The following ZNF385D variants were observed in gnomAD, a reference collection of about 807,000 sequenced individuals.
ZNF385D encodes zinc finger protein 385D.
In ZNF385D, 15 loss-of-function variants were observed where a neutral mutation model predicts 35.8. That is an observed-to-expected ratio of 0.42 (90% CI 0.28 to 0.64). The LOEUF is 0.64. ZNF385D is among the 30% of genes least tolerant of loss of function. The probability of loss-of-function intolerance (pLI) is 0.23; values close to 1 mark genes in which losing one functional copy is unlikely to be tolerated. For missense variants in ZNF385D, 474 were observed against 494.6 expected (o/e 0.96, Z 0.39); for synonymous variants, 212 against 186.8 (o/e 1.13, Z -1.10).
chr3:21,438,423 T>C (rs1294415625), intron 4 of ZNF385D, among the ~76,000 whole-genome samples: 6 of 152,176 alleles, frequency 3.9e-5, no homozygotes, highest in Non-Finnish European at 8.8e-5. Flanking sequence ...AATTAAGTGT[T>C]GTCTGCATAA....
chr3:21,743,751 C>T (rs150512252), intron 1 of ZNF385D, among the ~76,000 whole-genome samples: 20 of 152,318 alleles, frequency 1.3e-4, no homozygotes, highest in East Asian at 1.9e-4. Context: ...TCAATTTATA[C>T]GTTTGGGAAA....
chr3:21,619,403 CGTGTGTGTGCGTGTGTGT>C (rs1559464812), intron 2 of ZNF385D, among the ~76,000 whole-genome samples: 1 of 140,582 alleles, frequency 7.1e-6, no homozygotes, highest in Non-Finnish European at 1.5e-5. Flanking sequence ...TAGTTGTCAT[CGTGTGTGTGCGTGTGTGT>C]GTGTGTGTGT....
At chr3:22,244,322 C>T (rs1299315013) in intron 2 of ZNF385D, among the ~76,000 whole-genome samples, 1 of 132,670 alleles carries the variant, frequency 7.5e-6, no homozygotes. Flanking sequence ...CTCTCTCGCT[C>T]TTACTTAGCT....
intron 2 of ZNF385D, among the ~76,000 whole-genome samples, chr3:22,224,122 G>C (rs540394255): frequency 2.6e-5 from 4 of 152,210 alleles, no homozygotes; most frequent in African/African-American, 9.6e-5. Flanking sequence ...TCATGAATTT[G>C]ACCCTCAAAA....
chr3:21,438,850 C>A (rs1701710877), intron 4 of ZNF385D, among the ~76,000 whole-genome samples: 1 of 152,038 alleles, frequency 6.6e-6, no homozygotes, highest in South Asian at 2.1e-4. Flanking sequence ...ACATTTATTC[C>A]CTTGCACACT....
chr3:21,507,891 G>C (rs551065851), intron 4 of ZNF385D, among the ~76,000 whole-genome samples: 31 of 152,260 alleles, frequency 2.0e-4, no homozygotes, highest in African/African-American at 7.0e-4. Flanking sequence ...CTACGAAATG[G>C]GTGTCTTTTC....
At chr3:21,429,373 T>A (rs1188863783) in intron 5 of ZNF385D, among the ~76,000 whole-genome samples, 1 of 152,092 alleles carries the variant, frequency 6.6e-6, no homozygotes, top group African/African-American at 2.4e-5. Context: ...AAATTATATA[T>A]ATGCTTTTAG....
At chr3:22,074,049 T>A (rs1326268257) in intron 3 of ZNF385D, among the ~76,000 whole-genome samples, 1 of 151,970 alleles carries the variant, frequency 6.6e-6, no homozygotes, top group African/African-American at 2.4e-5. Context: ...TGGCTTCTGA[T>A]TATTCTGTAC....
intron 3 of ZNF385D, among the ~76,000 whole-genome samples, chr3:21,795,704 G>A (rs1022346697): frequency 1.3e-5 from 2 of 152,150 alleles, no homozygotes; most frequent in African/African-American, 2.4e-5. Flanking sequence ...GTGAATTTGT[G>A]GGAAGAAATT....
chr3:22,144,263 TGAA>T (rs1238830958), intron 3 of ZNF385D, among the ~76,000 whole-genome samples: 3 of 152,036 alleles, frequency 2.0e-5, no homozygotes, highest in Non-Finnish European at 4.4e-5. Context: ...ATTTTAAACT[TGAA>T]GAGATTTTAT....
At position 21,749,151 on chromosome 3, in the gene ZNF385D, T is replaced by C. The variant is rs1483356547; in HGVS notation, c.22+1744A>G. Among the ~76,000 whole-genome samples the C allele has an allele frequency of 4.6e-5, 7 of 152,238 alleles. No homozygotes were observed. In the East Asian group the frequency reaches 1.3e-3, roughly 29 times the overall value. ...AGAGTAGAGTTTCATCTAAAGTAAG[T>C]AGGACATCACATTTCAATTCGTACT... is the stretch of plus-strand genomic sequence containing the variant. On this transcript the variant is annotated intron_variant, in intron 1 of 7. Transcript: ENST00000281523.
At chr3:22,320,904 T>C (rs1694379455) in intron 2 of ZNF385D, among the ~76,000 whole-genome samples, 1 of 151,972 alleles carries the variant, frequency 6.6e-6, no homozygotes, top group Non-Finnish European at 1.5e-5. Flanking sequence ...TTAAATATAC[T>C]TTTTAATTGC....
chr3:22,266,605 A>G (rs1004115164), intron 2 of ZNF385D, among the ~76,000 whole-genome samples: 1 of 151,868 alleles, frequency 6.6e-6, no homozygotes, highest in African/African-American at 2.4e-5. Flanking sequence ...GTCTTAGGGA[A>G]CTTTGCCAGT....
At chr3:22,229,603 C>T (rs1370270337) in intron 2 of ZNF385D, among the ~76,000 whole-genome samples, 2 of 152,176 alleles carry the variant, frequency 1.3e-5, no homozygotes, top group African/African-American at 2.4e-5. Flanking sequence ...TATTTCCTCA[C>T]AGCCATTTGT....
At chr3:22,057,532 C>T (rs1427076482) in intron 3 of ZNF385D, among the ~76,000 whole-genome samples, 3 of 144,324 alleles carry the variant, frequency 2.1e-5, no homozygotes, top group Non-Finnish European at 3.0e-5. Flanking sequence ...TTTTTTGAGA[C>T]AGAGTCTCAC....
chr3:22,291,448 A>G (rs9878314), intron 2 of ZNF385D, among the ~76,000 whole-genome samples: 14,127 of 152,030 alleles, frequency 0.093, 1,319 homozygotes, highest in African/African-American at 0.24. Flanking sequence ...TTAAATGGAA[A>G]AATTTTCTGT....
chr3:21,612,911 AACAC>A lies in ZNF385D; in HGVS notation c.166-48231_166-48228del, dbSNP rs369693414. ...GAAGAAATTTTCACAGTCCTAGGTA[AACAC>A]ACCCAATCTTGAACCCATTTAGCTT... On this transcript the variant is annotated intron_variant, in intron 2 of 7. Coordinates refer to ENST00000281523, the MANE Select transcript of ZNF385D (RefSeq NM_024697.3). Among the ~76,000 whole-genome samples, 691 of 152,252 alleles carry A rather than the reference AACAC, an allele frequency of 4.5e-3. 6 individuals carry two copies. The highest frequency in any genetic ancestry group is 0.015 in the African/African-American group (642 of 41,550).
At chr3:21,810,111 T>C (rs1357232427) in intron 3 of ZNF385D, among the ~76,000 whole-genome samples, 6 of 152,176 alleles carry the variant, frequency 3.9e-5, no homozygotes, top group East Asian at 3.9e-4. Context: ...CAAGCCAATA[T>C]ACCTCATGAA....
At chr3:21,948,846 T>C (rs1408793492) in intron 3 of ZNF385D, among the ~76,000 whole-genome samples, 1 of 152,150 alleles carries the variant, frequency 6.6e-6, no homozygotes, top group Non-Finnish European at 1.5e-5. Flanking sequence ...AAGAAATCTG[T>C]CTTTGATCTA....
Sources: allele counts gnomAD v4.1 joint callset (sites outside exome capture counted in the v4.1 genomes callset), GRCh38; gene constraint gnomAD v4.1.1; transcripts MANE v1.5; gene names NCBI Gene and HGNC (gene_info 2026-07-23, HGNC 2026-07-21).